Variants in CDC45 observed in about 807,000 individuals in gnomAD.
CDC45 encodes the protein cell division cycle 45, also known as cell division control protein 45 homolog.
In CDC45, 54 loss-of-function variants were observed where a neutral mutation model predicts 77.8. That is an observed-to-expected ratio of 0.69 (90% CI 0.56 to 0.87). The LOEUF is 0.87. CDC45 is among the 40% of genes least tolerant of loss of function. CDC45 has a pLI of 0.00. For missense variants in CDC45, 649 were observed against 721.6 expected, an observed-to-expected ratio of 0.90 and a Z score of 1.15; for synonymous variants, 260 against 272.1, an observed-to-expected ratio of 0.96 and a Z score of 0.44.
rs1449423541 is a variant in CDC45 at position 19,480,138 on chromosome 22, G to C, written c.52-20G>C. The C allele has an allele frequency of 1.2e-6, 2 of 1,613,930 alleles. No individual in the cohort carries two copies. Among genetic ancestry groups the C allele is most frequent in the South Asian group, 1.1e-5 (1 of 91,082 alleles). ...GGGGTTCGGGTCGCCGTGTTCAGCC[G>C]GTCTGCTCTTCCCCGATAGAGGGTC... is the stretch of plus-strand genomic sequence containing the variant. On this transcript the variant is annotated intron_variant, in intron 1 of 18. Transcript: ENST00000263201.
Position 19,508,664 on chromosome 22 carries a change from T to A in CDC45, c.1190T>A (p.Phe397Tyr). 1 of 1,614,176 alleles carries A rather than the reference T, an allele frequency of 6.2e-7. No homozygotes were observed. Reference sequence around the variant, plus strand: ...AAGGATGGCTCAGGGACAGATCACTTCATCCAGGCTCTGGACAGCCTCTCC... The same window carrying A: ...AAGGATGGCTCAGGGACAGATCACTACATCCAGGCTCTGGACAGCCTCTCC... ...PEKDGSGTDH[F>Y]IQALDSLSRS... Residue 397 changes from phenylalanine to tyrosine, a missense_variant, in exon 13 of 19, where the codon TTC becomes TAC. Phe to Tyr is a conservative substitution (Grantham distance 22, BLOSUM62 3). Coordinates refer to ENST00000263201, the MANE Select transcript of CDC45 (RefSeq NM_003504.5).
chr22:19,493,817 A>AT (rs571587537), intron 5 of CDC45, among the ~76,000 whole-genome samples: 149 of 152,150 alleles, frequency 9.8e-4, no homozygotes, highest in African/African-American at 3.5e-3. Context: ...TATCTACTCC[A>AT]TTTTCCCAGA....
At chr22:19,503,233 G>C (rs1042459571) in intron 9 of CDC45, among the ~76,000 whole-genome samples, 1 of 152,140 alleles carries the variant, frequency 6.6e-6, no homozygotes, top group Non-Finnish European at 1.5e-5. Flanking sequence ...TTAGTGGGTA[G>C]GTTACCCACT....
intron 5 of CDC45, 125 bp from the exon 6 acceptor site, chr22:19,494,202 G>A: frequency 2.5e-6 from 2 of 787,218 alleles, no homozygotes; most frequent in Non-Finnish European, 2.2e-6. Context: ...GGGCACTGGT[G>A]TGACCGTGTT....
intron 9 of CDC45, among the ~76,000 whole-genome samples, chr22:19,502,507 T>C (rs1415426592): frequency 6.6e-6 from 1 of 152,208 alleles, no homozygotes; most frequent in Non-Finnish European, 1.5e-5. Flanking sequence ...TTAACCCACA[T>C]ACACACACAT....
intron 9 of CDC45, among the ~76,000 whole-genome samples, chr22:19,501,243 A>AT (rs1296856494): frequency 6.6e-6 from 1 of 152,062 alleles, no homozygotes; most frequent in Non-Finnish European, 1.5e-5. Flanking sequence ...CCTTATGGGT[A>AT]TTTGCCTGCG....
chr22:19,506,524 C>G (rs1343683990), intron 10 of CDC45, among the ~76,000 whole-genome samples: 1 of 151,968 alleles, frequency 6.6e-6, no homozygotes, highest in African/African-American at 2.4e-5. Flanking sequence ...CTGAGCATGC[C>G]GAGGAAGCAG....
chr22:19,505,946 C>A (rs1238296074), intron 10 of CDC45, among the ~76,000 whole-genome samples: 1 of 152,148 alleles, frequency 6.6e-6, no homozygotes, highest in Non-Finnish European at 1.5e-5. Context: ...GGCTGGGGGA[C>A]TGGCTGGGGT....
rs1348938460 is a variant in CDC45, at chr22:19,508,531, A to T, written c.1057A>T (p.Met353Leu). 6.2e-7 allele frequency: 1 copy of T among 1,614,218 alleles called. No individual in the cohort carries two copies. The highest frequency in any genetic ancestry group is 1.7e-5 in the Admixed American group (1 of 60,020). The change falls in exon 13 of 19, where the codon ATG becomes TTG. Residue 353 changes from methionine to leucine, a missense_variant and splice_region_variant. Met to Leu is a conservative substitution (Grantham distance 15, BLOSUM62 2). Transcript: ENST00000263201. ...MIEESANKFG[M>L]KDMRVQTFSI... Reference sequence around the variant, plus strand: ...CAGCTGTGTTTGCTCCCATGACAGGATGAAGGACATGCGCGTGCAGACTTT... The same window carrying T: ...CAGCTGTGTTTGCTCCCATGACAGGTTGAAGGACATGCGCGTGCAGACTTT...
intron 13 of CDC45, among the ~76,000 whole-genome samples, chr22:19,510,528 C>A (rs1158230438): frequency 6.6e-6 from 1 of 152,120 alleles, no homozygotes; most frequent in Non-Finnish European, 1.5e-5. Flanking sequence ...GATTATATGT[C>A]TTTTCCCTCG....
intron 9 of CDC45, among the ~76,000 whole-genome samples, chr22:19,500,149 A>G (rs1270540620): frequency 6.6e-6 from 1 of 152,208 alleles, no homozygotes; most frequent in East Asian, 1.9e-4. Context: ...TAGAAACACC[A>G]TGGTGTATGC....
chr22:19,515,907 G>T (rs1224002928), intron 15 of CDC45, among the ~76,000 whole-genome samples: 1 of 152,208 alleles, frequency 6.6e-6, no homozygotes, highest in African/African-American at 2.4e-5. Flanking sequence ...CGGCCCTGTT[G>T]TGGAGTGACT....
intron 18 of CDC45, among the ~76,000 whole-genome samples, chr22:19,519,645 T>A (rs1568940550): frequency 1.3e-5 from 2 of 152,228 alleles, no homozygotes. Flanking sequence ...CAAGACTCTG[T>A]TGCAGGAGGT....
chr22:19,493,489 G>A (rs2090188685), intron 5 of CDC45, among the ~76,000 whole-genome samples: 1 of 151,938 alleles, frequency 6.6e-6, no homozygotes, highest in Non-Finnish European at 1.5e-5. Context: ...CTGTTACCCA[G>A]GCTGGAATGC....
At chr22:19,488,976 G>T (rs1373726489) in intron 5 of CDC45, among the ~76,000 whole-genome samples, 1 of 152,134 alleles carries the variant, frequency 6.6e-6, no homozygotes, top group Non-Finnish European at 1.5e-5. Flanking sequence ...AGGAGTTGGA[G>T]ACCAGCCTGG....
chr22:19,506,143 G>T (rs1218981590), intron 10 of CDC45, among the ~76,000 whole-genome samples: 1 of 152,206 alleles, frequency 6.6e-6, no homozygotes, highest in African/African-American at 2.4e-5. Context: ...TGCAGCAGTG[G>T]CTGTAAGCAG....
chr22:19,494,627 T>C (rs933450209), intron 6 of CDC45: 33 of 1,419,800 alleles, frequency 2.3e-5, no homozygotes, highest in Non-Finnish European at 3.0e-5. Context: ...TTAGAGACCA[T>C]GGCCCTGGCT....
intron 5 of CDC45, among the ~76,000 whole-genome samples, chr22:19,487,167 C>T (rs537640763): frequency 2.5e-4 from 38 of 151,918 alleles, no homozygotes; most frequent in South Asian, 1.9e-3. Flanking sequence ...TGGCAGATGC[C>T]GGTAATCCCA....
intron 17 of CDC45, 64 bp downstream of exon 17, chr22:19,516,957 T>C: frequency 7.3e-7 from 1 of 1,364,986 alleles, no homozygotes; most frequent in Non-Finnish European, 1.0e-6. Context: ...TTGCAGGCCC[T>C]GGAACCAAGC....
Sources: allele counts gnomAD v4.1 joint callset (sites outside exome capture counted in the v4.1 genomes callset), GRCh38; gene constraint gnomAD v4.1.1; transcripts MANE v1.5; gene names NCBI Gene and HGNC (gene_info 2026-07-23, HGNC 2026-07-21).